The following PPM1H variants were observed in gnomAD, a reference collection of about 807,000 sequenced individuals.
PPM1H encodes protein phosphatase 1H.
Under a neutral mutation model 54.9 loss-of-function variants are expected in PPM1H, and 27 were observed. That is an observed-to-expected ratio of 0.49 (90% confidence interval 0.36 to 0.68). PPM1H has a LOEUF of 0.68. PPM1H is among the 30% of genes least tolerant of loss of function. The pLI is 0.00. For missense variants in PPM1H, 596 were observed against 667.8 expected (o/e 0.89, Z 1.19); for synonymous variants, 305 against 270.8 (o/e 1.13, Z -1.24).
chr12:62,649,922 A>C (rs1422269435), intron 9 of PPM1H, among the ~76,000 whole-genome samples: 1 of 152,198 alleles, frequency 6.6e-6, no homozygotes, highest in Non-Finnish European at 1.5e-5. Flanking sequence ...TAAATCATCA[A>C]GATAATAAAT....
Position 62,801,932 on chromosome 12 carries a change from C to T in PPM1H, c.640G>A (p.Gly214Arg), listed in dbSNP as rs2076772744. ...GGGGAGCCCGGGGCCCCCACCCCTC[C>T]GCGCAGGGAGGCTGCCCGGGTCAGA... ...RTLTRAASLR[G>R]GVGAPGSPST... The change falls in exon 3 of 10, where the codon GGA becomes AGA. Residue 214 changes from glycine (G) to arginine (R), a missense_variant. By Grantham distance (125) the Gly-to-Arg change is moderately radical. This residue lies in a region of PPM1H where 382 missense variants were observed against 387.1 expected (regional missense o/e 0.99). Coordinates refer to ENST00000228705, the MANE Select transcript of PPM1H (RefSeq NM_020700.2). 1.9e-6 allele frequency: 3 copies of T among 1,612,780 alleles called. No individual in the cohort carries two copies. Among genetic ancestry groups the T allele is most frequent in the African/African-American group, 1.3e-5 (1 of 74,908 alleles).
At chr12:62,733,807 G>T (rs549622931) in intron 5 of PPM1H, among the ~76,000 whole-genome samples, 8 of 152,260 alleles carry the variant, frequency 5.3e-5, no homozygotes, top group Admixed American at 2.0e-4. Context: ...CAGACATTAG[G>T]TTCGGTTCTG....
intron 9 of PPM1H, among the ~76,000 whole-genome samples, chr12:62,658,046 ATC>A (rs2075855490): frequency 7.7e-6 from 1 of 129,528 alleles, no homozygotes; most frequent in East Asian, 2.2e-4. Context: ...GGGTCATTAA[ATC>A]CAGGTTACAA....
intron 4 of PPM1H, among the ~76,000 whole-genome samples, chr12:62,763,818 G>T (rs2076524868): frequency 6.6e-6 from 1 of 152,132 alleles, no homozygotes; most frequent in South Asian, 2.1e-4. Context: ...AACCTGAGGG[G>T]TTCATTATTC....
intron 4 of PPM1H, among the ~76,000 whole-genome samples, chr12:62,764,546 C>A (rs35368952): frequency 0.014 from 2,188 of 152,284 alleles, 22 homozygotes; most frequent in Admixed American, 0.028. Context: ...CCAGGAACAC[C>A]ACACTTTTAC....
At chr12:62,887,614 T>G (rs1293572495) in intron 1 of PPM1H, among the ~76,000 whole-genome samples, 3 of 152,204 alleles carry the variant, frequency 2.0e-5, no homozygotes, top group Admixed American at 1.3e-4. Flanking sequence ...GCTCTCATGG[T>G]GCTTATTTTA....
chr12:62,742,666 G>A (rs892407272), intron 4 of PPM1H, among the ~76,000 whole-genome samples: 25 of 152,162 alleles, frequency 1.6e-4, no homozygotes, highest in Non-Finnish European at 2.8e-4. Context: ...ACCAAATGCC[G>A]TGGCTGCGAG....
intron 4 of PPM1H, among the ~76,000 whole-genome samples, chr12:62,754,988 T>C (rs2076462817): frequency 6.6e-6 from 1 of 152,166 alleles, no homozygotes; most frequent in South Asian, 2.1e-4. Flanking sequence ...CGCAGGTCAA[T>C]TCAGTTCTGA....
At chr12:62,657,872 G>T (rs1371192199) in intron 9 of PPM1H, among the ~76,000 whole-genome samples, 1 of 152,142 alleles carries the variant, frequency 6.6e-6, no homozygotes, top group African/African-American at 2.4e-5. Flanking sequence ...AGCTATCTGA[G>T]CCAAGGAGAG....
At position 62,801,840 on chromosome 12, in the gene PPM1H, C is replaced by A. The variant is rs1165658921; in HGVS notation, c.732G>T (p.Ala244=). ...CCATTTCCTTGAATGCACTTTCAAG[C>A]GCTCCGATGACCAGGCACTCATGGG... ...KIPHECLVIG[A]LESAFKEMDL... The change falls in exon 3 of 10, where the codon GCG becomes GCT. Residue 244 remains alanine, a synonymous_variant. Transcript: ENST00000228705. 1 of 1,613,884 alleles carries A rather than the reference C, an allele frequency of 6.2e-7. No individual in the cohort carries two copies. The highest frequency in any genetic ancestry group is 1.1e-5 in the South Asian group (1 of 91,072).
intron 4 of PPM1H, among the ~76,000 whole-genome samples, chr12:62,745,107 G>A (rs527726767): frequency 7.9e-5 from 12 of 152,198 alleles, no homozygotes; most frequent in Non-Finnish European, 1.5e-4. Flanking sequence ...TGACCACCTC[G>A]ACACCTAGCA....
rs1479632529 is a variant in PPM1H, at chr12:62,919,410, A to G, written c.245+15082T>C. ...TGGAAAGGTAGAAATAGGAGATCTAACCTGTTTTAAATGTTGCGGGGTGGG... is the reference window on the plus strand; with the variant it reads ...TGGAAAGGTAGAAATAGGAGATCTAGCCTGTTTTAAATGTTGCGGGGTGGG... On this transcript the variant is annotated intron_variant, in intron 1 of 9. Coordinates refer to ENST00000228705, the MANE Select transcript of PPM1H (RefSeq NM_020700.2). Among the ~76,000 whole-genome samples the G allele has an allele frequency of 2.0e-5, 3 of 148,556 alleles. No individual in the cohort carries two copies. The East Asian group carries it at 6.0e-4, about 30-fold the overall frequency.
chr12:62,675,897 C>T (rs923041370), intron 8 of PPM1H, among the ~76,000 whole-genome samples: 1 of 152,190 alleles, frequency 6.6e-6, no homozygotes, highest in Non-Finnish European at 1.5e-5. Context: ...GGGATATTTG[C>T]TGTGTGACAA....
chr12:62,848,482 T>C (rs1230247206), intron 1 of PPM1H, among the ~76,000 whole-genome samples: 1 of 152,214 alleles, frequency 6.6e-6, no homozygotes, highest in African/African-American at 2.4e-5. Flanking sequence ...CTCTGTTGGG[T>C]AGAATGGTTC....
intron 2 of PPM1H, among the ~76,000 whole-genome samples, chr12:62,815,163 C>T (rs1592613157): frequency 1.3e-5 from 2 of 151,478 alleles, no homozygotes; most frequent in African/African-American, 2.4e-5. Flanking sequence ...GACCCTACAG[C>T]GTTGTTCGCT....
chr12:62,753,076 T>C (rs999387093), intron 4 of PPM1H, among the ~76,000 whole-genome samples: 2 of 152,194 alleles, frequency 1.3e-5, no homozygotes, highest in African/African-American at 4.8e-5. Flanking sequence ...CATGTCTATA[T>C]GCTAGTTAAA....
intron 2 of PPM1H, among the ~76,000 whole-genome samples, chr12:62,814,085 A>AT (rs1425143728): frequency 1.3e-5 from 2 of 151,702 alleles, no homozygotes; most frequent in Non-Finnish European, 2.9e-5. Context: ...TTGGGGGTGC[A>AT]TTTTTTTTCT....
chr12:62,694,121 C>G, intron 6 of PPM1H, 122 bp from the exon 7 acceptor site: 2 of 797,224 alleles, frequency 2.5e-6, no homozygotes, highest in Non-Finnish European at 4.1e-6. Context: ...CACTGACTAC[C>G]TCTTCCTTTA....
At chr12:62,808,351 C>T (rs757741090) in intron 2 of PPM1H, among the ~76,000 whole-genome samples, 22 of 151,960 alleles carry the variant, frequency 1.4e-4, no homozygotes, top group Non-Finnish European at 2.2e-4. Context: ...CAGCCATCAA[C>T]CTCTATGCTA....
Sources: gnomAD v4.1 joint callset for allele counts (sites outside exome capture counted in the v4.1 genomes callset) on GRCh38, gnomAD v4.1.1 for gene constraint, gnomAD v4.1.1 regional missense constraint, MANE v1.5 for transcripts, NCBI Gene and HGNC (gene_info 2026-07-23, HGNC 2026-07-21) for gene names.